Variants in ELN observed in about 807,000 individuals in gnomAD.
The protein encoded by ELN is elastin.
A neutral mutation model predicts 105.8 loss-of-function variants in ELN; 65 were observed. The observed-to-expected ratio is 0.61, with a 90% CI of 0.50 to 0.75. The LOEUF (loss-of-function observed/expected upper bound fraction) is 0.75, where lower values mean the gene tolerates loss of function less well. ELN is among the 30% of genes least tolerant of loss of function. The pLI, the probability that ELN is intolerant of heterozygous loss-of-function variation, is 0.00. For missense variants in ELN, 882 were observed against 969.4 expected, an observed-to-expected ratio of 0.91 and a Z score of 1.20; for synonymous variants, 368 against 389.2, an observed-to-expected ratio of 0.95 and a Z score of 0.64.
intron 14 of ELN, 141 bp downstream of exon 14, chr7:74,048,342 T>TG (rs1377560363): frequency 5.3e-6 from 8 of 1,504,194 alleles, no homozygotes; most frequent in African/African-American, 1.4e-5. Flanking sequence ...AGCAGGATCC[T>TG]GGGGGAGGAG....
chr7:74,052,090 T>C lies in ELN; in HGVS notation c.949+107T>C, dbSNP rs1272707995. ...CTTGGCCTTTGTTCCTTCCCAAATA[T>C]GCATTGTTCATGCCTCCTTACCTTT... On this transcript the variant is annotated intron_variant, in intron 17 of 32. Coordinates refer to ENST00000252034, the MANE Select transcript of ELN (RefSeq NM_000501.4). 4.7e-6 allele frequency: 6 copies of C among 1,274,696 alleles called. No homozygotes were observed. The African/African-American group carries it at 8.8e-5, about 19-fold the overall frequency. 79.0% of individuals were successfully genotyped at this position (1,274,696 alleles called of 1,614,324 possible). A position where few individuals can be genotyped will look rare whatever the true frequency, so the allele number is the denominator to read the frequency against.
chr7:74,059,464 C>T (rs1554682465), intron 22 of ELN: 5 of 276,014 alleles, frequency 1.8e-5, no homozygotes, highest in Non-Finnish European at 2.1e-5. Flanking sequence ...GGTGGATCAC[C>T]CAAGGTCAGG....
chr7:74,044,126 A>T (rs1554670530), intron 9 of ELN, among the ~76,000 whole-genome samples: 1 of 152,074 alleles, frequency 6.6e-6, no homozygotes, highest in Non-Finnish European at 1.5e-5. Context: ...CTGTAGTCCC[A>T]GCTACTCGGG....
intron 1 of ELN, among the ~76,000 whole-genome samples, 179 bp from the exon 2 acceptor site, chr7:74,035,185 A>C (rs1238782985): frequency 6.6e-6 from 1 of 152,240 alleles, no homozygotes; most frequent in Non-Finnish European, 1.5e-5. Flanking sequence ...ATGAGAACAC[A>C]CTTTGTAAAC....
At position 74,059,954 on chromosome 7, in the gene ELN, G is replaced by A; in HGVS notation, c.1483G>A (p.Val495Ile). 6.2e-7 allele frequency: 1 copy of A among 1,612,646 alleles called. No individual in the cohort carries two copies. The highest frequency in any genetic ancestry group is 1.1e-5 in the South Asian group (1 of 91,028). Residue 495 changes from valine (V) to isoleucine (I), a missense_variant, in exon 23 of 33, where the codon GTT becomes ATT. Physicochemically the swap from Val to Ile is conservative, Grantham distance 29. Coordinates refer to ENST00000252034, the MANE Select transcript of ELN (RefSeq NM_000501.4). ...VAPGVGVAPGVGLAPGVGVAP... is the reference protein window; with the variant it reads ...VAPGVGVAPGIGLAPGVGVAP... ...TCCTGGTGTCGGTGTGGCTCCTGGA[G>A]TTGGCTTGGCTCCTGGAGTTGGCGT...
intron 11 of ELN, among the ~76,000 whole-genome samples, chr7:74,046,467 C>G (rs577068983): frequency 6.6e-6 from 1 of 152,384 alleles, no homozygotes; most frequent in South Asian, 2.1e-4. Flanking sequence ...CAGGCCCAAA[C>G]TGGGGCCCAG....
rs1563857650 is a variant in ELN at position 74,060,550 on chromosome 7, GA to G, written c.1747+50del. On this transcript the variant is annotated intron_variant, in intron 25 of 32. Transcript: ENST00000252034. ...AGCCTGTCCCCTGAGCTCAGGGAAG[GA>G]GATCCCTCCTCCTCTCAGCACCTCC... The G allele has an allele frequency of 3.1e-6, 5 of 1,613,860 alleles. No homozygotes were observed. In the African/African-American group the frequency reaches 5.3e-5, roughly 17 times the overall value.
chr7:74,064,200 C>G (rs373644489), intron 29 of ELN, among the ~76,000 whole-genome samples: 1 of 151,716 alleles, frequency 6.6e-6, no homozygotes, highest in East Asian at 1.9e-4. Context: ...GGGCAGATCA[C>G]GAGGTCAGAT....
Position 74,057,704 on chromosome 7 carries a change from C to G in ELN, c.1414+8C>G. ...CCAAAGCCGCCCAGTTTGGTAAGTC[C>G]CCCTCACCCCCGCCACTGGCTCACG... is the stretch of plus-strand genomic sequence containing the variant. On this transcript the variant is annotated splice_region_variant and intron_variant, in intron 22 of 32. Transcript: ENST00000252034. The G allele has an allele frequency of 1.2e-6, 2 of 1,612,738 alleles. No individual in the cohort carries two copies. The highest frequency in any genetic ancestry group is 1.7e-6 in the Non-Finnish European group (2 of 1,179,698).
chr7:74,038,599 A>T (rs1352014119), intron 4 of ELN, among the ~76,000 whole-genome samples: 2 of 152,236 alleles, frequency 1.3e-5, no homozygotes, highest in African/African-American at 4.8e-5. Flanking sequence ...CTGGCGGATA[A>T]GGAGCAGGTG....
At position 74,056,455 on chromosome 7, in the gene ELN, G is replaced by A. The variant is rs782105854; in HGVS notation, c.1315+20G>A. 2 of 1,613,136 alleles carry A rather than the reference G, an allele frequency of 1.2e-6. No homozygotes were observed. Among genetic ancestry groups the A allele is most frequent in the African/African-American group, 2.7e-5 (2 of 74,994 alleles). ...TTTCCCGTGAGCCTTAGTCACACCTGGGGACATGGGTTGAGAAGGGATGGG... is the reference window on the plus strand; with the variant it reads ...TTTCCCGTGAGCCTTAGTCACACCTAGGGACATGGGTTGAGAAGGGATGGG... On this transcript the variant is annotated intron_variant, in intron 20 of 32. Coordinates refer to ENST00000252034, the MANE Select transcript of ELN (RefSeq NM_000501.4).
Position 74,043,123 on chromosome 7 carries a change from G to A in ELN, c.382G>A (p.Val128Met). 2 of 1,613,554 alleles carry A rather than the reference G, an allele frequency of 1.2e-6. No homozygotes were observed. The highest frequency in any genetic ancestry group is 8.5e-7 in the Non-Finnish European group (1 of 1,179,790). ...VGGLGVSAGAVVPQPGAGVKP... is the reference protein window; with the variant it reads ...VGGLGVSAGAMVPQPGAGVKP... ...TGCAGCCCCTTCTGTGCCAGGTGCG[G>A]TGGTTCCTCAGCCTGGAGCCGGAGT... is the stretch of plus-strand genomic sequence containing the variant. The change falls in exon 8 of 33, where the codon GTG becomes ATG. Residue 128 changes from valine to methionine, a missense_variant. Val to Met is a conservative substitution (Grantham distance 21). Transcript: ENST00000252034.
chr7:74,056,571 G>C, intron 20 of ELN, 101 bp from the exon 21 acceptor site: 1 of 1,602,192 alleles, frequency 6.2e-7, no homozygotes, highest in Non-Finnish European at 8.5e-7. Context: ...GAAGAAGGGA[G>C]GTCGTATCCA....
chr7:74,045,627 C>T (rs1792285941), intron 10 of ELN: 2 of 392,118 alleles, frequency 5.1e-6, no homozygotes, highest in Non-Finnish European at 9.7e-6. Context: ...CCTATGATCC[C>T]AACTATTCAG....
intron 21 of ELN, 135 bp downstream of exon 21, chr7:74,056,848 C>A: frequency 8.9e-7 from 1 of 1,121,000 alleles, no homozygotes; most frequent in Middle Eastern, 2.2e-4. Flanking sequence ...CCTGCCCCAT[C>A]TTCCAAAGCC....
chr7:74,033,603 G>C lies in ELN; in HGVS notation c.83-1761G>C, dbSNP rs1554663768. 3.9e-5 allele frequency among the ~76,000 whole-genome samples: 6 copies of C among 152,248 alleles called. No individual in the cohort carries two copies. In the South Asian group the frequency reaches 1.0e-3, roughly 26 times the overall value. Reference sequence around the variant, plus strand: ...GCCTGAGGAGCCACAAGCCCTGGGAGGGGGTGGCGCCGGGGTCTTGGCTCC... The same window carrying C: ...GCCTGAGGAGCCACAAGCCCTGGGACGGGGTGGCGCCGGGGTCTTGGCTCC... On this transcript the variant is annotated intron_variant, in intron 1 of 32. Coordinates refer to ENST00000252034, the MANE Select transcript of ELN (RefSeq NM_000501.4).
chr7:74,033,161 G>C (rs1332643450), intron 1 of ELN, among the ~76,000 whole-genome samples: 1 of 152,246 alleles, frequency 6.6e-6, no homozygotes, highest in Non-Finnish European at 1.5e-5. Flanking sequence ...GAGGTTGAGT[G>C]ACTTTCCCAA....
In ELN at chr7:74,057,642, G is replaced by A; in HGVS notation, c.1360G>A (p.Val454Met). Residue 454 changes from valine to methionine, a missense_variant and splice_region_variant, in exon 22 of 33, where the codon GTG becomes ATG. By Grantham distance (21) the Val-to-Met change is conservative. Coordinates refer to ENST00000252034, the MANE Select transcript of ELN (RefSeq NM_000501.4). ...ACCCCTTCTCTTCACACCTCCAGGAGTGGGGACCCCAGCAGCTGCAGCTGC... is the reference window on the plus strand; with the variant it reads ...ACCCCTTCTCTTCACACCTCCAGGAATGGGGACCCCAGCAGCTGCAGCTGC... ...AAAAKAAKYG[V>M]GTPAAAAAKA... 1 of 1,614,040 alleles carries A rather than the reference G, an allele frequency of 6.2e-7. No homozygotes were observed. Among genetic ancestry groups the A allele is most frequent in the Non-Finnish European group, 8.5e-7 (1 of 1,180,008 alleles).
intron 1 of ELN, among the ~76,000 whole-genome samples, chr7:74,033,804 G>A (rs1313930736): frequency 6.6e-6 from 1 of 152,230 alleles, no homozygotes; most frequent in Non-Finnish European, 1.5e-5. Flanking sequence ...CCCCGCCCAT[G>A]CCCCACGGGG....
Sources: gnomAD v4.1 joint callset for allele counts (sites outside exome capture counted in the v4.1 genomes callset) on GRCh38, gnomAD v4.1.1 for gene constraint, MANE v1.5 for transcripts, NCBI Gene and HGNC (gene_info 2026-07-23, HGNC 2026-07-21) for gene names.